The following ERICH3 variants were observed in gnomAD, a reference collection of about 807,000 sequenced individuals.
ERICH3 encodes glutamate rich 3.
A neutral mutation model predicts 131.1 loss-of-function variants in ERICH3; 126 were observed. That is an observed-to-expected ratio of 0.96 (90% CI 0.83 to 1.11). The LOEUF (loss-of-function observed/expected upper bound fraction) is 1.11. Ranked by LOEUF, ERICH3 falls within the 50% of genes most tolerant of loss-of-function variation. The pLI, the probability that ERICH3 is intolerant of heterozygous loss-of-function variation, is 0.00. For synonymous variants in ERICH3, 695 were observed against 644.6 expected (o/e 1.08, Z -1.18); for missense variants, 2,050 against 1,810.7 (o/e 1.13, Z -2.40).
rs368977036 is a variant in ERICH3, at chr1:74,643,073, T to C, written c.269A>G (p.Lys90Arg). 3.1e-6 allele frequency: 5 copies of C among 1,610,970 alleles called. No individual in the cohort carries two copies. Among genetic ancestry groups the C allele is most frequent in the Non-Finnish European group, 3.4e-6 (4 of 1,178,160 alleles). Residue 90 changes from lysine to arginine, a missense_variant, in exon 4 of 15, where the codon AAG becomes AGG. By Grantham distance (26) the Lys-to-Arg change is conservative. Transcript: ENST00000326665. ...CTTCCTAGCTAAGGTCTCCAATTTC[T>C]TTTTTATTTCAAGCTGATGGTAACG... ...MERYHQLEIKKKLETLARKER... is the reference protein window; with the variant it reads ...MERYHQLEIKRKLETLARKER...
chr1:74,655,134 T>C (rs1203693903), intron 1 of ERICH3, among the ~76,000 whole-genome samples: 1 of 152,166 alleles, frequency 6.6e-6, no homozygotes, highest in Non-Finnish European at 1.5e-5. Flanking sequence ...GCATCCTGCT[T>C]TGCACTAAAA....
In ERICH3 at chr1:74,576,890, C is replaced by G. The variant is rs1647066638; in HGVS notation, c.2218+5G>C. ...AATTGGACCTCTTGCAGATGGAATACTTACCACCAAGAGCCAGGACATAGG... is the reference window on the plus strand; with the variant it reads ...AATTGGACCTCTTGCAGATGGAATAGTTACCACCAAGAGCCAGGACATAGG... On this transcript the variant is annotated splice_donor_5th_base_variant and intron_variant, in intron 13 of 14. Transcript: ENST00000326665. 1 of 1,599,332 alleles carries G rather than the reference C, an allele frequency of 6.3e-7. No homozygotes were observed. Among genetic ancestry groups the G allele is most frequent in the South Asian group, 1.1e-5 (1 of 88,232 alleles).
chr1:74,650,360 T>A (rs1646521715), intron 1 of ERICH3, among the ~76,000 whole-genome samples: 1 of 152,182 alleles, frequency 6.6e-6, no homozygotes, highest in South Asian at 2.1e-4. Context: ...ATTTTCTGTT[T>A]CAATCTATCC....
Position 74,649,257 on chromosome 1 carries a change from T to C in ERICH3, c.82A>G (p.Thr28Ala). The part of the protein sequence containing the change: ...DKHLAGYFNN[T>A]RIRRHLLRSG... ...CTTAAGAGATGACGCCTTATCCTTG[T>C]ATTGTTAAAATACCCAGCCAGGTGT... Residue 28 changes from threonine (T) to alanine (A), a missense_variant, in exon 2 of 15, where the codon ACA (threonine) becomes GCA (alanine). Physicochemically the swap from Thr to Ala is moderately conservative, Grantham distance 58 (BLOSUM62 0). Coordinates refer to ENST00000326665, the MANE Select transcript of ERICH3 (RefSeq NM_001002912.5). 6.2e-7 allele frequency: 1 copy of C among 1,612,786 alleles called. No homozygotes were observed. The highest frequency in any genetic ancestry group is 2.2e-5 in the East Asian group (1 of 44,820).
At chr1:74,607,953 C>T (rs1648481975) in intron 9 of ERICH3, among the ~76,000 whole-genome samples, 1 of 151,810 alleles carries the variant, frequency 6.6e-6, no homozygotes, top group Admixed American at 6.6e-5. Flanking sequence ...ACCTCATAGA[C>T]CAATAAATTA....
chr1:74,643,775 C>G (rs1646456331), intron 3 of ERICH3, among the ~76,000 whole-genome samples: 1 of 152,052 alleles, frequency 6.6e-6, no homozygotes. Flanking sequence ...ATATACCCAG[C>G]CAGGGGAGGA....
At chr1:74,651,965 A>C (rs1014182512) in intron 1 of ERICH3, among the ~76,000 whole-genome samples, 12 of 152,132 alleles carry the variant, frequency 7.9e-5, no homozygotes, top group Admixed American at 6.6e-4. Context: ...GTCCAGGCTT[A>C]CAAATCGTCA....
At chr1:74,592,195 C>A (rs1266835921) in intron 11 of ERICH3, 3 of 152,164 alleles carry the variant, frequency 2.0e-5, no homozygotes, top group Non-Finnish European at 4.4e-5. Flanking sequence ...CTCCTGATAC[C>A]TTGACAAACA....
At position 74,576,942 on chromosome 1, in the gene ERICH3, T is replaced by TA. The variant is rs754818068; in HGVS notation, c.2177-7dup. The TA allele has an allele frequency of 0.053, 68,696 of 1,291,574 alleles. 6 individuals are homozygous for TA. The highest frequency in any genetic ancestry group is 0.058 in the Non-Finnish European group (54,272 of 940,648). 80.0% of individuals were successfully genotyped at this position (1,291,574 alleles called of 1,614,324 possible). On this transcript the variant is annotated splice_polypyrimidine_tract_variant and splice_region_variant and intron_variant, in intron 12 of 14. Coordinates refer to ENST00000326665, the MANE Select transcript of ERICH3 (RefSeq NM_001002912.5). ...TAATGGCAATGAATCCTTTCCTAGTTAAAAAAAAAAAAAAGAAAAAAAAGG... is the reference window on the plus strand; with the variant it reads ...TAATGGCAATGAATCCTTTCCTAGTTAAAAAAAAAAAAAAAGAAAAAAAAGG...
intron 10 of ERICH3, 27 bp from the exon 11 acceptor site, chr1:74,599,958 G>C: frequency 6.5e-7 from 1 of 1,527,172 alleles, no homozygotes; most frequent in Non-Finnish European, 8.9e-7. Flanking sequence ...TCCACTATAA[G>C]AATGAAAATA....
intron 3 of ERICH3, among the ~76,000 whole-genome samples, chr1:74,643,934 A>C (rs948301786): frequency 1.3e-5 from 2 of 152,120 alleles, no homozygotes; most frequent in African/African-American, 4.8e-5. Flanking sequence ...AATGCATGTT[A>C]ACAGCCGTTG....
At position 74,599,925 on chromosome 1, in the gene ERICH3, T is replaced by G. The variant is rs748836481; in HGVS notation, c.1496A>C (p.Glu499Ala). 1 of 1,602,830 alleles carries G rather than the reference T, an allele frequency of 6.2e-7. No homozygotes were observed. The highest frequency in any genetic ancestry group is 8.5e-7 in the Non-Finnish European group (1 of 1,174,546). The change falls in exon 11 of 15, where the codon GAA becomes GCA. Residue 499 changes from glutamate to alanine, a missense_variant. Transcript: ENST00000326665. ...CTCCTCATCTACTTCAAAGTCTTCT[T>G]CATACTCTGAAATAGGAAAATCTCC... Reference protein sequence around the residue: ...DQENTLKYEYEEDFEVDEEKQ... With the variant: ...DQENTLKYEYAEDFEVDEEKQ...
At chr1:74,666,107 G>T (rs1413501585) in intron 1 of ERICH3, among the ~76,000 whole-genome samples, 3 of 152,136 alleles carry the variant, frequency 2.0e-5, no homozygotes, top group Non-Finnish European at 2.9e-5. Context: ...CATGTAGATA[G>T]CTCAGAAGAA....
chr1:74,670,905 A>C (rs923551704), intron 1 of ERICH3, among the ~76,000 whole-genome samples: 5 of 152,156 alleles, frequency 3.3e-5, no homozygotes, highest in Non-Finnish European at 7.4e-5. Context: ...AAAGGAATGC[A>C]TTCCTGGGAG....
At chr1:74,645,009 A>G (rs917276121) in intron 3 of ERICH3, among the ~76,000 whole-genome samples, 3 of 151,850 alleles carry the variant, frequency 2.0e-5, no homozygotes, top group African/African-American at 7.3e-5. Flanking sequence ...TCCATCTACT[A>G]TGTCCTTTCA....
intron 6 of ERICH3, among the ~76,000 whole-genome samples, chr1:74,633,881 G>A (rs1646363825): frequency 6.6e-6 from 1 of 151,884 alleles, no homozygotes; most frequent in Non-Finnish European, 1.5e-5. Flanking sequence ...AATAATATAT[G>A]AGAAACTCTC....
chr1:74,663,751 A>G (rs1289729017), intron 1 of ERICH3, among the ~76,000 whole-genome samples: 1 of 152,028 alleles, frequency 6.6e-6, no homozygotes. Flanking sequence ...AAATAAAAAA[A>G]TGTTGCCCCA....
At chr1:74,591,028 T>C (rs78231619) in intron 11 of ERICH3, among the ~76,000 whole-genome samples, 5,608 of 152,288 alleles carry the variant, frequency 0.037, 365 homozygotes, top group African/African-American at 0.13. Context: ...GAAACTTAAA[T>C]TTTTGTCTAC....
At chr1:74,659,379 C>T (rs552244709) in intron 1 of ERICH3, among the ~76,000 whole-genome samples, 132 of 152,230 alleles carry the variant, frequency 8.7e-4, no homozygotes, top group Middle Eastern at 3.4e-3. Context: ...GTTCCAAAAC[C>T]CCCCGTTGGA....
Sources: gnomAD v4.1 joint callset for allele counts (sites outside exome capture counted in the v4.1 genomes callset) on GRCh38, gnomAD v4.1.1 for gene constraint, MANE v1.5 for transcripts, NCBI Gene and HGNC (gene_info 2026-07-23, HGNC 2026-07-21) for gene names.